CYP46A1: variants seen among roughly 807,000 people sequenced by gnomAD.
The protein encoded by CYP46A1 is cytochrome P450 family 46 subfamily A member 1, also known as cholesterol 24-hydroxylase.
Under a neutral mutation model 63.3 loss-of-function variants are expected in CYP46A1, and 20 were observed. The ratio of observed to expected loss-of-function variants is 0.32; its 90% CI spans 0.22 to 0.46. The LOEUF (loss-of-function observed/expected upper bound fraction) is 0.46. CYP46A1 is among the 20% of genes least tolerant of loss of function. CYP46A1 has a pLI of 1.00. For synonymous variants in CYP46A1, 268 were observed against 273.6 expected (o/e 0.98, Z 0.20); for missense variants, 445 against 670.8 (o/e 0.66, Z 3.72).
chr14:99,700,504 G>A (rs1381799749), intron 5 of CYP46A1, among the ~76,000 whole-genome samples: 1 of 152,218 alleles, frequency 6.6e-6, no homozygotes, highest in Non-Finnish European at 1.5e-5. Flanking sequence ...ACGATGGAAT[G>A]CATATGTGAC....
intron 6 of CYP46A1, 110 bp from the exon 7 acceptor site, chr14:99,707,458 T>C (rs2056687917): frequency 5.0e-6 from 4 of 796,220 alleles, no homozygotes; most frequent in Non-Finnish European, 8.5e-6. Flanking sequence ...ATGATGCATA[T>C]AAACCCTTAG....
chr14:99,722,644 CGTGTGTGTGTGTGTGTGTGTGTGTGT>C lies in CYP46A1; in HGVS notation c.1176+588_1176+613del. ...ATCTGAATTGTGTGTTTGCCATTCCCGTGTGTGTGTGTGTGTGTGTGTGTGTGTGTGTGTGCCTGTGTGCATTCACG... is the reference window on the plus strand; with the variant it reads ...ATCTGAATTGTGTGTTTGCCATTCCCGTGTGTGTGCCTGTGTGCATTCACG... On this transcript the variant is annotated intron_variant, in intron 12 of 14. Transcript: ENST00000261835. This position sits in a 1 kb window ranked among gnomAD's most constrained non-coding sequence, Gnocchi z 4.6. Among the ~76,000 whole-genome samples the C allele has an allele frequency of 7.0e-6, 1 of 142,262 alleles. No individual in the cohort carries two copies. The highest frequency in any genetic ancestry group is 2.5e-5 in the African/African-American group (1 of 39,242). The allele number at this position is 142,262 out of a possible 152,430, so 93.3% of individuals were successfully genotyped here. A position where few individuals can be genotyped will look rare whatever the true frequency, so the allele number is the denominator to read the frequency against.
rs1002647626 is a variant in CYP46A1, at chr14:99,687,690, G to A, written c.119+3154G>A. Among the ~76,000 whole-genome samples, 66 of 152,316 alleles carry A rather than the reference G, an allele frequency of 4.3e-4. 1 individual carries two copies. The highest frequency in any genetic ancestry group is 1.4e-3 in the African/African-American group (60 of 41,564). The stretch of plus-strand genomic sequence containing the variant: ...CTGGCCAAGGTTTTCTCTGCCCACA[G>A]GAGAGCTTGGGTCCCCACTCAGCCA... On this transcript the variant is annotated intron_variant, in intron 1 of 14. Transcript: ENST00000261835.
rs767102071 is a variant in CYP46A1, at chr14:99,725,010, C to A, written c.1177-381C>A. 2.6e-5 allele frequency among the ~76,000 whole-genome samples: 4 copies of A among 152,176 alleles called. No individual in the cohort carries two copies. Among genetic ancestry groups the A allele is most frequent in the Non-Finnish European group, 4.4e-5 (3 of 68,036 alleles). ...CTCGGGATCTAGAGGAAGTTGGCCT[C>A]ACAGAGTCAGATCTGAGTTTGAATC... On this transcript the variant is annotated intron_variant, in intron 12 of 14. Coordinates refer to ENST00000261835, the MANE Select transcript of CYP46A1 (RefSeq NM_006668.2). This position sits in a 1 kb window ranked among gnomAD's most constrained non-coding sequence, Gnocchi z 4.2.
chr14:99,715,793 C>T lies in CYP46A1; in HGVS notation c.694-17C>T. 1.2e-6 allele frequency: 2 copies of T among 1,614,036 alleles called. No individual in the cohort carries two copies. On this transcript the variant is annotated splice_polypyrimidine_tract_variant and intron_variant, in intron 7 of 14. Coordinates refer to ENST00000261835, the MANE Select transcript of CYP46A1 (RefSeq NM_006668.2). ...TGCGTGTTCACTTGGCCATCTGGAG[C>T]TGAAACTCTTGTTTAGTTCCTGCCA...
In CYP46A1 at chr14:99,706,644, C is replaced by T. The variant is rs546877748; in HGVS notation, c.444-3C>T. On this transcript the variant is annotated splice_region_variant and splice_polypyrimidine_tract_variant and intron_variant, in intron 5 of 14. Coordinates refer to ENST00000261835, the MANE Select transcript of CYP46A1 (RefSeq NM_006668.2). ...GCCGTTGATGCCTGTGCTGTTTCTC[C>T]AGCTCCTTGGTTAGCTTAATGGAAA... 1 of 1,613,736 alleles carries T rather than the reference C, an allele frequency of 6.2e-7. No individual in the cohort carries two copies. The highest frequency in any genetic ancestry group is 1.1e-5 in the South Asian group (1 of 91,054).
chr14:99,713,043 T>G (rs531745740), intron 7 of CYP46A1: 1 of 152,216 alleles, frequency 6.6e-6, no homozygotes, highest in South Asian at 2.1e-4. Flanking sequence ...GAACATACAC[T>G]GGGGAAAGGG....
At chr14:99,720,143 G>T (rs2056832702) in intron 10 of CYP46A1, among the ~76,000 whole-genome samples, 1 of 152,052 alleles carries the variant, frequency 6.6e-6, no homozygotes, top group Non-Finnish European at 1.5e-5. Flanking sequence ...TCTGTCCATG[G>T]GTACCTGGGT....
At chr14:99,711,359 G>A (rs2056730026) in intron 7 of CYP46A1, 1 of 151,374 alleles carries the variant, frequency 6.6e-6, no homozygotes, top group South Asian at 2.1e-4. Context: ...GAAGTGAAAG[G>A]TTGATTTTTG....
At position 99,703,611 on chromosome 14, in the gene CYP46A1, C is replaced by T. The variant is rs909465576; in HGVS notation, c.444-3036C>T. 5.1e-6 allele frequency: 5 copies of T among 985,238 alleles called. No homozygotes were observed. The African/African-American group carries it at 7.0e-5, about 14-fold the overall frequency. The allele number at this position is 985,238 out of a possible 1,614,324, so 61.0% of individuals were successfully genotyped here. A position where few individuals can be genotyped will look rare whatever the true frequency, so the allele number is the denominator to read the frequency against. On this transcript the variant is annotated intron_variant, in intron 5 of 14. Transcript: ENST00000261835. ...GTGAACCTCTGGGGAATTCCTGTTC[C>T]TCCTTTGATACCCAGCTAAGATGTC...
At chr14:99,716,229 C>G (rs781501454) in intron 9 of CYP46A1, 30 bp downstream of exon 9, 4 of 1,611,542 alleles carry the variant, frequency 2.5e-6, no homozygotes, top group Non-Finnish European at 3.4e-6. Context: ...GCCAAGGGCC[C>G]GGAGCTCTGC....
intron 1 of CYP46A1, among the ~76,000 whole-genome samples, chr14:99,689,891 C>G (rs2056529130): frequency 6.6e-6 from 1 of 152,194 alleles, no homozygotes; most frequent in East Asian, 1.9e-4. Flanking sequence ...CTGCTCAAAA[C>G]CCTCTAGTGG....
chr14:99,718,098 C>G lies in CYP46A1; in HGVS notation c.952C>G (p.Leu318Val). The part of the protein sequence containing the change: ...ANHLAFTVME[L>V]SRQPEIVARL... ...CCACTTGGCGTTCACAGTGATGGAGCTGTCTCGCCAGCCAGAGATCGTGGC... is the reference window on the plus strand; with the variant it reads ...CCACTTGGCGTTCACAGTGATGGAGGTGTCTCGCCAGCCAGAGATCGTGGC... Residue 318 changes from leucine to valine, a missense_variant, in exon 10 of 15, where the codon CTG (leucine) becomes GTG (valine). Leu to Val is a conservative substitution (Grantham distance 32, BLOSUM62 1). This residue lies in a region of CYP46A1 where 13 missense variants were observed against 50.5 expected (regional missense o/e 0.26). Coordinates refer to ENST00000261835, the MANE Select transcript of CYP46A1 (RefSeq NM_006668.2). The G allele has an allele frequency of 1.2e-6, 2 of 1,614,158 alleles. No homozygotes were observed. The highest frequency in any genetic ancestry group is 1.7e-6 in the Non-Finnish European group (2 of 1,179,976).
intron 12 of CYP46A1, among the ~76,000 whole-genome samples, chr14:99,724,296 G>A (rs1236055310): frequency 1.3e-5 from 2 of 152,180 alleles, no homozygotes; most frequent in Non-Finnish European, 2.9e-5. Context: ...CTGTGAGGAA[G>A]GAGGAGCCCC....
In CYP46A1 at chr14:99,726,680, C is replaced by A; in HGVS notation, c.1456C>A (p.Leu486Met). ...GCCACTGGACCCCGTGCTGTGCACC[C>A]TGCGGCCCCGCGGCTGGCAGCCCGC... The part of the protein sequence containing the change: ...LKPLDPVLCT[L>M]RPRGWQPAPP... The change falls in exon 15 of 15, where the codon CTG becomes ATG. Residue 486 changes from leucine (L) to methionine (M), a missense_variant. Physicochemically the swap from Leu to Met is conservative, Grantham distance 15. Transcript: ENST00000261835. 6.4e-7 allele frequency: 1 copy of A among 1,551,364 alleles called. No homozygotes were observed.
intron 3 of CYP46A1, among the ~76,000 whole-genome samples, chr14:99,698,158 G>T (rs747594686): frequency 1.3e-5 from 2 of 152,132 alleles, no homozygotes. Context: ...TGGGTTAACC[G>T]ATAGTTGAGT....
In CYP46A1 at chr14:99,719,211, C is replaced by T. The variant is rs545913131; in HGVS notation, c.980+1085C>T. Among the ~76,000 whole-genome samples the T allele has an allele frequency of 9.9e-5, 15 of 152,122 alleles. No homozygotes were observed. In the South Asian group the frequency reaches 2.9e-3, roughly 30 times the overall value. ...CATTCACATTGTGAATGTCATCCCC[C>T]TCCACTATTTTTATTTTTACTTTTT... On this transcript the variant is annotated intron_variant, in intron 10 of 14. Coordinates refer to ENST00000261835, the MANE Select transcript of CYP46A1 (RefSeq NM_006668.2).
intron 5 of CYP46A1, among the ~76,000 whole-genome samples, chr14:99,700,625 G>A (rs1303643326): frequency 6.6e-6 from 1 of 152,188 alleles, no homozygotes; most frequent in Non-Finnish European, 1.5e-5. Flanking sequence ...GGTGGTGCTG[G>A]TGTAAACAAA....
chr14:99,696,686 T>A (rs2056589741), intron 3 of CYP46A1, among the ~76,000 whole-genome samples: 2 of 152,194 alleles, frequency 1.3e-5, no homozygotes, highest in South Asian at 4.1e-4. Flanking sequence ...TAGTAATACA[T>A]GTTTTATAGT....
Sources: allele counts gnomAD v4.1 joint callset (sites outside exome capture counted in the v4.1 genomes callset), GRCh38; gene constraint gnomAD v4.1.1; regional missense constraint gnomAD v4.1.1; non-coding constraint Gnocchi (gnomAD v3.1); transcripts MANE v1.5; gene names NCBI Gene and HGNC (gene_info 2026-07-23, HGNC 2026-07-21).